ABLIM2: variants seen among roughly 807,000 people sequenced by gnomAD.
ABLIM2 encodes the protein actin-binding LIM protein 2.
Under a neutral mutation model 97.7 loss-of-function variants are expected in ABLIM2, and 53 were observed. The ratio of observed to expected loss-of-function variants is 0.54; its 90% CI spans 0.44 to 0.68. The LOEUF is 0.68. Among genes scored for constraint, ABLIM2 ranks in the 30% least tolerant of loss-of-function variants. The probability of loss-of-function intolerance (pLI) is 0.00; values close to 1 mark genes in which losing one functional copy is unlikely to be tolerated. For synonymous variants in ABLIM2, 361 were observed against 345.8 expected (o/e 1.04, Z -0.49); for missense variants, 835 against 867.2 (o/e 0.96, Z 0.47).
intron 14 of ABLIM2, among the ~76,000 whole-genome samples, chr4:8,017,609 T>C (rs1305254763): frequency 1.3e-5 from 2 of 152,206 alleles, no homozygotes; most frequent in Non-Finnish European, 2.9e-5. Flanking sequence ...TTTGGAATGA[T>C]AAAAGAATTT....
rs1852130192 is a variant in ABLIM2, at chr4:8,148,176, A to C, written c.10+10504T>G. 6.6e-6 allele frequency among the ~76,000 whole-genome samples: 1 copy of C among 152,176 alleles called. No homozygotes were observed. The highest frequency in any genetic ancestry group is 6.5e-5 in the Admixed American group (1 of 15,274). On this transcript the variant is annotated intron_variant, in intron 1 of 20. Coordinates refer to ENST00000447017, the MANE Select transcript of ABLIM2 (RefSeq NM_001130083.2). This position sits in a 1 kb window ranked among gnomAD's most constrained non-coding sequence, Gnocchi z 6.7. ...TGGCAGGAGGCAGGGGCAGAGGGAG[A>C]AAAGGAAGACGTGGCGGCGGTGCAG... is the stretch of plus-strand genomic sequence containing the variant.
intron 20 of ABLIM2, among the ~76,000 whole-genome samples, chr4:7,981,290 G>A (rs1025281394): frequency 2.0e-5 from 3 of 152,050 alleles, no homozygotes; most frequent in African/African-American, 7.2e-5. Context: ...ATTGATTACA[G>A]GTCTTAATAA....
chr4:8,126,063 G>A (rs1456535060), intron 1 of ABLIM2, among the ~76,000 whole-genome samples: 4 of 152,278 alleles, frequency 2.6e-5, no homozygotes, highest in South Asian at 4.1e-4. Context: ...ATCAGGGCTC[G>A]AAGCTTCATG....
rs190112293 is a variant in ABLIM2 at position 8,105,903 on chromosome 4, C to T, written c.154+591G>A. Reference sequence around the variant, plus strand: ...AGGGAGACTCGGCACAGGCCATCTCCGTTGGCCGGGCCCGGTTGGTGGGGC... The same window carrying T: ...AGGGAGACTCGGCACAGGCCATCTCTGTTGGCCGGGCCCGGTTGGTGGGGC... On this transcript the variant is annotated intron_variant, in intron 2 of 20. Coordinates refer to ENST00000447017, the MANE Select transcript of ABLIM2 (RefSeq NM_001130083.2). 2.0e-3 allele frequency among the ~76,000 whole-genome samples: 302 copies of T among 152,146 alleles called. 1 individual carries two copies. The Middle Eastern group carries it at 0.021, about 10-fold the overall frequency.
chr4:8,152,338 A>G (rs1578560206), intron 1 of ABLIM2, among the ~76,000 whole-genome samples: 1 of 148,960 alleles, frequency 6.7e-6, no homozygotes, highest in Non-Finnish European at 1.5e-5. Context: ...ATCACGTGAC[A>G]CCAGGCACCA....
chr4:8,073,763 A>G (rs1349548097), intron 6 of ABLIM2, among the ~76,000 whole-genome samples: 1 of 152,204 alleles, frequency 6.6e-6, no homozygotes, highest in Non-Finnish European at 1.5e-5. Flanking sequence ...TTTACAACAG[A>G]TAACTGAAAT....
intron 8 of ABLIM2, among the ~76,000 whole-genome samples, chr4:8,051,968 C>A (rs755937835): frequency 6.6e-6 from 1 of 152,244 alleles, no homozygotes; most frequent in Non-Finnish European, 1.5e-5. Flanking sequence ...GTATCCACCC[C>A]ACTTGGGGTT....
At position 8,123,472 on chromosome 4, in the gene ABLIM2, C is replaced by T. The variant is rs1034359890; in HGVS notation, c.11-16835G>A. On this transcript the variant is annotated intron_variant, in intron 1 of 20. Coordinates refer to ENST00000447017, the MANE Select transcript of ABLIM2 (RefSeq NM_001130083.2). This position sits in a 1 kb window ranked among gnomAD's most constrained non-coding sequence, Gnocchi z 6.2. Reference sequence around the variant, plus strand: ...TCCCCCTCAAATTCCTGACCCTTCTCATGTTCTCCTGATCTGCTGATTCAA... The same window carrying T: ...TCCCCCTCAAATTCCTGACCCTTCTTATGTTCTCCTGATCTGCTGATTCAA... Among the ~76,000 whole-genome samples the T allele has an allele frequency of 2.6e-5, 4 of 152,194 alleles. No homozygotes were observed. The highest frequency in any genetic ancestry group is 1.3e-4 in the Admixed American group (2 of 15,278).
At position 8,033,204 on chromosome 4, in the gene ABLIM2, C is replaced by T. The variant is rs1334435442; in HGVS notation, c.1047+2945G>A. Among the ~76,000 whole-genome samples, 2 of 152,208 alleles carry T rather than the reference C, an allele frequency of 1.3e-5. No individual in the cohort carries two copies. The highest frequency in any genetic ancestry group is 2.9e-5 in the Non-Finnish European group (2 of 68,042). ...GGCACCCCATCCACCACCACCTGCACATATGTTCAGTGAGGAGCATGGAGG... is the reference window on the plus strand; with the variant it reads ...GGCACCCCATCCACCACCACCTGCATATATGTTCAGTGAGGAGCATGGAGG... On this transcript the variant is annotated intron_variant, in intron 10 of 20. Transcript: ENST00000447017. This position sits in a 1 kb window ranked among gnomAD's most constrained non-coding sequence, Gnocchi z 4.5.
At chr4:8,142,709 C>G (rs574904437) in intron 1 of ABLIM2, among the ~76,000 whole-genome samples, 1 of 152,198 alleles carries the variant, frequency 6.6e-6, no homozygotes, top group Non-Finnish European at 1.5e-5. Context: ...GAATCAGCGG[C>G]CTTGCCCTTG....
At chr4:7,976,292 T>A (rs1732988131) in intron 20 of ABLIM2, among the ~76,000 whole-genome samples, 1 of 152,162 alleles carries the variant, frequency 6.6e-6, no homozygotes, top group Non-Finnish European at 1.5e-5. Context: ...ACAGATCATC[T>A]GCATCCATCC....
rs189179541 is a variant in ABLIM2, at chr4:7,970,600, C to G, written c.1825-3497G>C. 4.6e-4 allele frequency among the ~76,000 whole-genome samples: 70 copies of G among 151,750 alleles called. No individual in the cohort carries two copies. Among genetic ancestry groups the G allele is most frequent in the African/African-American group, 1.6e-3 (67 of 41,374 alleles). On this transcript the variant is annotated intron_variant, in intron 20 of 20. Coordinates refer to ENST00000447017, the MANE Select transcript of ABLIM2 (RefSeq NM_001130083.2). The surrounding 1 kb of genome is among the most constrained non-coding windows in gnomAD (Gnocchi z 5.3). Reference sequence around the variant, plus strand: ...TCTGGGGAGGGCGATTCGAGGAAGACTTGGAGCTGGCGGGCAAGCAGGAAG... The same window carrying G: ...TCTGGGGAGGGCGATTCGAGGAAGAGTTGGAGCTGGCGGGCAAGCAGGAAG...
intron 3 of ABLIM2, among the ~76,000 whole-genome samples, chr4:8,089,604 G>A (rs1049902527): frequency 6.6e-6 from 1 of 152,036 alleles, no homozygotes; most frequent in Admixed American, 6.6e-5. Flanking sequence ...GCATGGTGGT[G>A]TGCACTTGTA....
intron 3 of ABLIM2, among the ~76,000 whole-genome samples, chr4:8,089,634 G>A (rs1201804672): frequency 6.6e-6 from 1 of 150,868 alleles, no homozygotes; most frequent in Non-Finnish European, 1.5e-5. Context: ...ACTTGAGAGG[G>A]TGAGGCAGGA....
At position 8,121,629 on chromosome 4, in the gene ABLIM2, C is replaced by T. The variant is rs184217066; in HGVS notation, c.11-14992G>A. Among the ~76,000 whole-genome samples, 237 of 152,332 alleles carry T rather than the reference C, an allele frequency of 1.6e-3. 1 individual carries two copies. The highest frequency in any genetic ancestry group is 2.3e-3 in the Non-Finnish European group (157 of 68,026). On this transcript the variant is annotated intron_variant, in intron 1 of 20. Transcript: ENST00000447017. ...AGGCTCGGGTCTGCAGGCTCCCAGC[C>T]CAGGGCTTGTCCCCCAGGGTCTCAT...
At chr4:8,145,360 T>A (rs1389733193) in intron 1 of ABLIM2, among the ~76,000 whole-genome samples, 1 of 151,990 alleles carries the variant, frequency 6.6e-6, no homozygotes, top group African/African-American at 2.4e-5. Context: ...ATTTTTGTAT[T>A]TTTAGTAGAG....
At chr4:7,972,311 G>A (rs1728772082) in intron 20 of ABLIM2, among the ~76,000 whole-genome samples, 1 of 152,162 alleles carries the variant, frequency 6.6e-6, no homozygotes, top group Non-Finnish European at 1.5e-5. Context: ...AAAGCCCAGG[G>A]GAAGCACCAT....
rs1714928007 is a variant in ABLIM2 at position 8,155,258 on chromosome 4, G to C, written c.10+3422C>G. Among the ~76,000 whole-genome samples, 1 of 152,212 alleles carries C rather than the reference G, an allele frequency of 6.6e-6. No homozygotes were observed. The highest frequency in any genetic ancestry group is 6.5e-5 in the Admixed American group (1 of 15,280). On this transcript the variant is annotated intron_variant, in intron 1 of 20. Coordinates refer to ENST00000447017, the MANE Select transcript of ABLIM2 (RefSeq NM_001130083.2). This position sits in a 1 kb window ranked among gnomAD's most constrained non-coding sequence, Gnocchi z 4.2. The stretch of plus-strand genomic sequence containing the variant: ...ACATTTTGTTGTTACTAGTAAGTCT[G>C]AGATGAATGTTTCTGTGGCTACATC...
At chr4:8,070,444 G>A (rs1811211842) in intron 6 of ABLIM2, among the ~76,000 whole-genome samples, 1 of 151,902 alleles carries the variant, frequency 6.6e-6, no homozygotes, top group Admixed American at 6.6e-5. Context: ...AGAGAAGTTG[G>A]GGACTTGAGA....
Sources: gnomAD v4.1 joint callset for allele counts (sites outside exome capture counted in the v4.1 genomes callset) on GRCh38, gnomAD v4.1.1 for gene constraint, Gnocchi (gnomAD v3.1) non-coding constraint, MANE v1.5 for transcripts, NCBI Gene and HGNC (gene_info 2026-07-23, HGNC 2026-07-21) for gene names.